Variants in BTBD8 observed in about 807,000 individuals in gnomAD.
The protein encoded by BTBD8 is BTB/POZ domain-containing protein 8.
Under a neutral mutation model 162.9 loss-of-function variants are expected in BTBD8, and 110 were observed. The ratio of observed to expected loss-of-function variants is 0.68; its 90% CI spans 0.58 to 0.79. The LOEUF (loss-of-function observed/expected upper bound fraction) is 0.79. BTBD8 is among the 30% of genes least tolerant of loss of function. BTBD8 has a pLI of 0.00. For synonymous variants in BTBD8, 667 were observed against 716.1 expected, an observed-to-expected ratio of 0.93 and a Z score of 1.10; for missense variants, 1,905 against 2,085.4, an observed-to-expected ratio of 0.91 and a Z score of 1.68.
At position 92,138,594 on chromosome 1, in the gene BTBD8, A is replaced by T. The variant is rs551082922; in HGVS notation, c.753-756A>T. Among the ~76,000 whole-genome samples, 8 of 152,336 alleles carry T rather than the reference A, an allele frequency of 5.3e-5. No homozygotes were observed. In the East Asian group the frequency reaches 1.5e-3, roughly 29 times the overall value. On this transcript the variant is annotated intron_variant, in intron 5 of 17. Coordinates refer to ENST00000636805, the MANE Select transcript of BTBD8 (RefSeq NM_001376131.1). ...GGTTCAGCAGAGAAGAAAGGAGAACATATATCAGATTACCTCTTATCTGGA... is the reference window on the plus strand; with the variant it reads ...GGTTCAGCAGAGAAGAAAGGAGAACTTATATCAGATTACCTCTTATCTGGA...
chr1:92,129,171 GA>G (rs1182733523), intron 4 of BTBD8, among the ~76,000 whole-genome samples: 18 of 149,648 alleles, frequency 1.2e-4, no homozygotes, highest in South Asian at 1.1e-3. Context: ...AACCTTCAAA[GA>G]AAAAAAAAGA....
chr1:92,143,463 G>A (rs976757917), intron 7 of BTBD8, among the ~76,000 whole-genome samples: 5 of 151,822 alleles, frequency 3.3e-5, no homozygotes, highest in East Asian at 1.9e-4. Flanking sequence ...TTATCAGTAC[G>A]GTATTTTGTT....
chr1:92,115,281 G>T, intron 4 of BTBD8: 1 of 465,374 alleles, frequency 2.1e-6, no homozygotes, highest in South Asian at 1.9e-5. Context: ...CATGGACTGT[G>T]ATCCTGATTC....
At chr1:92,122,459 A>G (rs958688233) in intron 4 of BTBD8, among the ~76,000 whole-genome samples, 2 of 152,036 alleles carry the variant, frequency 1.3e-5, no homozygotes, top group Admixed American at 1.3e-4. Flanking sequence ...GGATTTCACC[A>G]TGTTGGCCAG....
In BTBD8 at chr1:92,177,332, A is replaced by G. The variant is rs1650748890; in HGVS notation, c.2139A>G (p.Thr713=). 8.4e-6 allele frequency: 13 copies of G among 1,551,900 alleles called. No individual in the cohort carries two copies. Among genetic ancestry groups the G allele is most frequent in the Non-Finnish European group, 1.1e-5 (13 of 1,147,026 alleles). ...AAGCAAAGCCTTTGAAGAAAGCTACAGGGAAGGATTCACCATGCCTCAGCA... is the reference window on the plus strand; with the variant it reads ...AAGCAAAGCCTTTGAAGAAAGCTACGGGGAAGGATTCACCATGCCTCAGCA... ...QAKAKPLKKA[T]GKDSPCLSIA... Residue 713 remains threonine, a synonymous_variant, in exon 14 of 18, where the codon ACA becomes ACG. Coordinates refer to ENST00000636805, the MANE Select transcript of BTBD8 (RefSeq NM_001376131.1).
At chr1:92,156,295 T>TA (rs1422294909) in intron 9 of BTBD8, among the ~76,000 whole-genome samples, 1 of 152,234 alleles carries the variant, frequency 6.6e-6, no homozygotes, top group Non-Finnish European at 1.5e-5. Flanking sequence ...GAATTATCTT[T>TA]ATAATGTACT....
Position 92,087,514 on chromosome 1 carries a change from T to C in BTBD8, c.150-1184T>C, listed in dbSNP as rs1328780832. On this transcript the variant is annotated intron_variant, in intron 1 of 17. Coordinates refer to ENST00000636805, the MANE Select transcript of BTBD8 (RefSeq NM_001376131.1). ...AAGCTTTTATGCTCTGAAGCATTTG[T>C]TTTGTCTAGGGTAAAATAGGATCAT... Among the ~76,000 whole-genome samples, 3 of 152,228 alleles carry C rather than the reference T, an allele frequency of 2.0e-5. No individual in the cohort carries two copies. The East Asian group carries it at 5.8e-4, about 29-fold the overall frequency.
chr1:92,146,014 T>C (rs1557455926), intron 7 of BTBD8, among the ~76,000 whole-genome samples: 1 of 152,112 alleles, frequency 6.6e-6, no homozygotes, highest in African/African-American at 2.4e-5. Flanking sequence ...AATTATGATC[T>C]AATTAAATTC....
At chr1:92,094,208 G>A (rs973470117) in intron 2 of BTBD8, among the ~76,000 whole-genome samples, 14 of 152,160 alleles carry the variant, frequency 9.2e-5, no homozygotes, top group African/African-American at 3.4e-4. Flanking sequence ...TAGGTTAGTC[G>A]TGTGTGTCTG....
chr1:92,080,417 C>G lies in BTBD8; in HGVS notation c.-155C>G. ...ACCGCGGTCCGGCTTCTCTGGGAGACTGTCTACAAACCGACGAGAGGCGTC... is the reference window on the plus strand; with the variant it reads ...ACCGCGGTCCGGCTTCTCTGGGAGAGTGTCTACAAACCGACGAGAGGCGTC... On this transcript the variant is annotated 5_prime_UTR_variant, in exon 1 of 18. Coordinates refer to ENST00000636805, the MANE Select transcript of BTBD8 (RefSeq NM_001376131.1). 1 of 1,109,980 alleles carries G rather than the reference C, an allele frequency of 9.0e-7. No individual in the cohort carries two copies. The highest frequency in any genetic ancestry group is 1.2e-6 in the Non-Finnish European group (1 of 804,398). The allele number at this position is 1,109,980 out of a possible 1,614,324, so 68.8% of individuals were successfully genotyped here.
In BTBD8 at chr1:92,177,846, G is replaced by A; in HGVS notation, c.2389G>A (p.Gly797Arg). 1 of 1,542,926 alleles carries A rather than the reference G, an allele frequency of 6.5e-7. No homozygotes were observed. The change falls in exon 15 of 18, where the codon GGA becomes AGA. Residue 797 changes from glycine (G) to arginine (R), a missense_variant. By Grantham distance (125) the Gly-to-Arg change is moderately radical (BLOSUM62 -2). Around this residue, in one of 3 missense-constraint regions of BTBD8, gnomAD observed 1,374 missense variants for 1,442.7 expected, o/e 0.95. Transcript: ENST00000636805. ...TCGACCTGTTTCAAGAGTTACCAATGGAACTTCCAATAAAAAAAGTATTCA... is the reference window on the plus strand; with the variant it reads ...TCGACCTGTTTCAAGAGTTACCAATAGAACTTCCAATAAAAAAAGTATTCA... ...KSRPVSRVTN[G>R]TSNKKSIHEQ...
At chr1:92,146,715 C>A (rs1649932582) in intron 7 of BTBD8, among the ~76,000 whole-genome samples, 1 of 152,124 alleles carries the variant, frequency 6.6e-6, no homozygotes, top group East Asian at 1.9e-4. Context: ...CAGTATATAG[C>A]CTTTTCAGAT....
In BTBD8 at chr1:92,184,255, C is replaced by G. The variant is rs1294614818; in HGVS notation, c.5304C>G (p.Thr1768=). The part of the protein sequence containing the change: ...TSPLDSSASI[T]MASFSSEDCS... Reference sequence around the variant, plus strand: ...CACTTGATTCCTCAGCGAGCATCACCATGGCTAGTTTTTCCTCTGAAGATT... The same window carrying G: ...CACTTGATTCCTCAGCGAGCATCACGATGGCTAGTTTTTCCTCTGAAGATT... Residue 1768 remains threonine (T), a synonymous_variant, in exon 18 of 18, where the codon ACC becomes ACG. Transcript: ENST00000636805. The G allele has an allele frequency of 1.3e-6, 2 of 1,551,610 alleles. No individual in the cohort carries two copies. Among genetic ancestry groups the G allele is most frequent in the Non-Finnish European group, 1.7e-6 (2 of 1,146,828 alleles).
intron 2 of BTBD8, among the ~76,000 whole-genome samples, chr1:92,092,655 C>T (rs1648342552): frequency 6.6e-6 from 1 of 152,148 alleles, no homozygotes; most frequent in Non-Finnish European, 1.5e-5. Flanking sequence ...GGGTTTATTT[C>T]TGGTTTCTCA....
chr1:92,141,877 A>T (rs1374840690), intron 7 of BTBD8, among the ~76,000 whole-genome samples: 1 of 152,232 alleles, frequency 6.6e-6, no homozygotes, highest in Non-Finnish European at 1.5e-5. Context: ...TAATCAATAA[A>T]AACAAATCTA....
intron 3 of BTBD8, 84 bp from the exon 4 acceptor site, chr1:92,107,800 G>T (rs1648773220): frequency 2.8e-6 from 3 of 1,082,146 alleles, no homozygotes; most frequent in African/African-American, 3.2e-5. Flanking sequence ...AATTATGTGG[G>T]AAACCTCTTG....
intron 4 of BTBD8, among the ~76,000 whole-genome samples, chr1:92,111,298 A>C (rs886598081): frequency 6.6e-6 from 1 of 152,018 alleles, no homozygotes; most frequent in Non-Finnish European, 1.5e-5. Flanking sequence ...TGGCCCCATC[A>C]TTTCTAACTT....
At chr1:92,090,112 A>G (rs1432190138) in intron 2 of BTBD8, among the ~76,000 whole-genome samples, 1 of 152,132 alleles carries the variant, frequency 6.6e-6, no homozygotes, top group Non-Finnish European at 1.5e-5. Flanking sequence ...CGTATATACA[A>G]ATTTTTCTGT....
chr1:92,099,392 A>G (rs142573651), intron 2 of BTBD8, among the ~76,000 whole-genome samples: 288 of 151,860 alleles, frequency 1.9e-3, no homozygotes, highest in African/African-American at 6.7e-3. Context: ...TTTCCATTTG[A>G]ATTTGAGGAT....
Sources: gnomAD v4.1 joint callset for allele counts (sites outside exome capture counted in the v4.1 genomes callset) on GRCh38, gnomAD v4.1.1 for gene constraint, gnomAD v4.1.1 regional missense constraint, MANE v1.5 for transcripts, NCBI Gene and HGNC (gene_info 2026-07-23, HGNC 2026-07-21) for gene names.